MYLK3: variants seen among roughly 807,000 people sequenced by gnomAD.
The protein encoded by MYLK3 is myosin light chain kinase 3.
A neutral mutation model predicts 76.3 loss-of-function variants in MYLK3; 55 were observed. The observed-to-expected ratio is 0.72, with a 90% CI of 0.58 to 0.90. The LOEUF is 0.90. Among genes scored for constraint, MYLK3 ranks in the 40% least tolerant of loss-of-function variants. The probability of loss-of-function intolerance (pLI) is 0.00; values close to 1 mark genes in which losing one functional copy is unlikely to be tolerated. For synonymous variants in MYLK3, 416 were observed against 425.4 expected (o/e 0.98, Z 0.27); for missense variants, 973 against 1,053.6 (o/e 0.92, Z 1.06).
chr16:46,738,069 C>A lies in MYLK3; in HGVS notation c.643G>T (p.Asp215Tyr). The A allele has an allele frequency of 6.2e-7, 1 of 1,604,590 alleles. No homozygotes were observed. The highest frequency in any genetic ancestry group is 1.1e-5 in the South Asian group (1 of 90,494). The change falls in exon 3 of 13, where the codon GAC (aspartate) becomes TAC (tyrosine). Residue 215 changes from aspartate (D) to tyrosine (Y), a missense_variant. By Grantham distance (160) the Asp-to-Tyr change is radical. Around this residue, in one of 2 missense-constraint regions of MYLK3, gnomAD observed 641 missense variants for 637.0 expected, o/e 1.01. Coordinates refer to ENST00000394809, the MANE Select transcript of MYLK3 (RefSeq NM_182493.3). ...GGTGAGACCACTGCCTGGGCGGGGTCAGCTCCCAGCCCTGACGCTCTGATG... is the reference window on the plus strand; with the variant it reads ...GGTGAGACCACTGCCTGGGCGGGGTAAGCTCCCAGCCCTGACGCTCTGATG... ...PPIRASGLGA[D>Y]PAQAVVSPGQ...
At chr16:46,756,867 G>A (rs961304317) in intron 1 of MYLK3, among the ~76,000 whole-genome samples, 4 of 152,184 alleles carry the variant, frequency 2.6e-5, no homozygotes, top group African/African-American at 4.8e-5. Flanking sequence ...AAATGGCAGC[G>A]ATTGGAACGG....
intron 2 of MYLK3, among the ~76,000 whole-genome samples, chr16:46,739,849 G>A (rs1046625197): frequency 6.6e-6 from 1 of 151,962 alleles, no homozygotes; most frequent in Non-Finnish European, 1.5e-5. Context: ...GGTGTTCAAG[G>A]GTCAACTGTA....
In MYLK3 at chr16:46,729,005, C is replaced by A. The variant is rs760763350; in HGVS notation, c.1772+19G>T. 6.3e-7 allele frequency: 1 copy of A among 1,591,614 alleles called. No individual in the cohort carries two copies. Among genetic ancestry groups the A allele is most frequent in the East Asian group, 2.2e-5 (1 of 44,786 alleles). ...GCCCTGGCTTGAGCCGAGGCGGCCGCCCCGCCTCTGATACTCACTACTCCA... is the reference window on the plus strand; with the variant it reads ...GCCCTGGCTTGAGCCGAGGCGGCCGACCCGCCTCTGATACTCACTACTCCA... On this transcript the variant is annotated intron_variant, in intron 7 of 12. Coordinates refer to ENST00000394809, the MANE Select transcript of MYLK3 (RefSeq NM_182493.3).
intron 2 of MYLK3, 74 bp from the exon 3 acceptor site, chr16:46,738,217 T>C: frequency 7.7e-7 from 1 of 1,300,446 alleles, no homozygotes; most frequent in Non-Finnish European, 1.0e-6. Context: ...GCAAGGAATC[T>C]GCACAAGGCC....
In MYLK3 at chr16:46,747,615, G is replaced by A. The variant is rs1967050268; in HGVS notation, c.477+102C>T. 25 of 1,137,694 alleles carry A rather than the reference G, an allele frequency of 2.2e-5. No homozygotes were observed. The East Asian group carries it at 5.7e-4, about 26-fold the overall frequency. The allele number at this position is 1,137,694 out of a possible 1,614,324, so 70.5% of individuals were successfully genotyped here. On this transcript the variant is annotated intron_variant, in intron 1 of 12. Coordinates refer to ENST00000394809, the MANE Select transcript of MYLK3 (RefSeq NM_182493.3). ...TCCCCATCAACAGGTCACACAGGAA[G>A]GGGACACCATGCCTCCAGCTCTCCA...
chr16:46,715,359 T>G (rs1966725843), intron 9 of MYLK3, among the ~76,000 whole-genome samples: 1 of 152,232 alleles, frequency 6.6e-6, no homozygotes, highest in Admixed American at 6.5e-5. Flanking sequence ...CCTCTGGTTT[T>G]GGGGTGGTTT....
intron 7 of MYLK3, among the ~76,000 whole-genome samples, chr16:46,728,456 C>T (rs573789515): frequency 1.3e-5 from 2 of 152,216 alleles, no homozygotes; most frequent in Non-Finnish European, 2.9e-5. Flanking sequence ...TGTGGTGGCT[C>T]ACACCTGTAA....
At chr16:46,726,292 G>A (rs1380022183) in intron 8 of MYLK3, 2 of 152,272 alleles carry the variant, frequency 1.3e-5, no homozygotes, top group African/African-American at 2.4e-5. Flanking sequence ...GCAGCCATCT[G>A]GGCTAGGTGT....
At position 46,732,219 on chromosome 16, in the gene MYLK3, C is replaced by T. The variant is rs1966853799; in HGVS notation, c.1451G>A (p.Ser484Asn). The change falls in exon 4 of 13, where the codon AGC (serine) becomes AAC (asparagine). Residue 484 changes from serine to asparagine, a missense_variant. Coordinates refer to ENST00000394809, the MANE Select transcript of MYLK3 (RefSeq NM_182493.3). ...RRMPPGAEAGSVVLDDSPAPP... is the reference protein window; with the variant it reads ...RRMPPGAEAGNVVLDDSPAPP... ...ACAGCCCCACTTACCCAGAACCACGCTGCCAGCCTCGGCGCCTGGGGGCAT... is the reference window on the plus strand; with the variant it reads ...ACAGCCCCACTTACCCAGAACCACGTTGCCAGCCTCGGCGCCTGGGGGCAT... The T allele has an allele frequency of 6.3e-7, 1 of 1,585,110 alleles. No individual in the cohort carries two copies. Among genetic ancestry groups the T allele is most frequent in the Admixed American group, 1.7e-5 (1 of 59,024 alleles).
intron 1 of MYLK3, among the ~76,000 whole-genome samples, chr16:46,755,906 C>T (rs146322111): frequency 1.6e-4 from 18 of 109,736 alleles, no homozygotes; most frequent in South Asian, 2.8e-4. Context: ...TTTTTTCTTT[C>T]TTTTTTTTTT....
At chr16:46,750,337 C>T (rs368163860), upstream of MYLK3, among the ~76,000 whole-genome samples, 2 of 152,228 alleles carry the variant, frequency 1.3e-5, no homozygotes, top group East Asian at 1.9e-4. Flanking sequence ...GGAGGAGAGA[C>T]TTTATTATTG....
rs1313131208 is a variant in MYLK3 at position 46,707,731 on chromosome 16, C to T, written c.2433G>A (p.Arg811=). The change falls in exon 13 of 13, where the codon AGG becomes AGA. Residue 811 remains arginine, a synonymous_variant. Coordinates refer to ENST00000394809, the MANE Select transcript of MYLK3 (RefSeq NM_182493.3). ...AGGGAGAAGTTGGAAATTTCCTTAA[C>T]CTGTTGGCAGCAGTCACCACATAGA... ...KHFYVVTAAN[R]LRKFPTSP is the part of the protein sequence containing the mutation. 1.2e-6 allele frequency: 2 copies of T among 1,613,196 alleles called. No individual in the cohort carries two copies. Among genetic ancestry groups the T allele is most frequent in the African/African-American group, 1.3e-5 (1 of 74,996 alleles).
rs1243135557 is a variant in MYLK3, at chr16:46,704,410, A to C, written c.*3294T>G. 1.3e-5 allele frequency: 2 copies of C among 152,110 alleles called. No individual in the cohort carries two copies. Among genetic ancestry groups the C allele is most frequent in the Non-Finnish European group, 2.9e-5 (2 of 68,028 alleles). The allele number at this position is 152,110 out of a possible 1,614,324, so 9.4% of individuals were successfully genotyped here. ...TGTGTTTTTAAGTGTAAAATATACC[A>C]GATTTTTGAGACTTAGTATGAGAAA... On this transcript the variant is annotated 3_prime_UTR_variant, in exon 13 of 13. Transcript: ENST00000394809.
At chr16:46,755,344 G>C (rs1967184264) in intron 1 of MYLK3, among the ~76,000 whole-genome samples, 1 of 152,022 alleles carries the variant, frequency 6.6e-6, no homozygotes, top group Non-Finnish European at 1.5e-5. Flanking sequence ...TGTAATCCCA[G>C]CTACTCAGGA....
At chr16:46,758,172 G>T (rs1383906926) in intron 1 of MYLK3, among the ~76,000 whole-genome samples, 2 of 151,842 alleles carry the variant, frequency 1.3e-5, no homozygotes, top group Non-Finnish European at 2.9e-5. Context: ...ACATGCCAGG[G>T]AGGGCTCCCT....
In MYLK3 at chr16:46,703,156, G is replaced by A. The variant is rs1966593150; in HGVS notation, c.*4548C>T. Among the ~76,000 whole-genome samples the A allele has an allele frequency of 1.3e-5, 2 of 152,012 alleles. No individual in the cohort carries two copies. The highest frequency in any genetic ancestry group is 6.6e-5 in the Admixed American group (1 of 15,260). ...ACATTCTATAATTTAAGAAAAAATG[G>A]CTTTCAGTATATCTAGATCTATCTA... On this transcript the variant is annotated 3_prime_UTR_variant, in exon 13 of 13. Coordinates refer to ENST00000394809, the MANE Select transcript of MYLK3 (RefSeq NM_182493.3).
intron 10 of MYLK3, among the ~76,000 whole-genome samples, chr16:46,712,268 A>G (rs751872473): frequency 6.6e-6 from 1 of 152,050 alleles, no homozygotes; most frequent in Non-Finnish European, 1.5e-5. Flanking sequence ...CTGCGATTAC[A>G]GGCATGAGCC....
At chr16:46,752,359 T>A (rs965027763), upstream of MYLK3, among the ~76,000 whole-genome samples, 1 of 152,154 alleles carries the variant, frequency 6.6e-6, no homozygotes, top group South Asian at 2.1e-4. Flanking sequence ...ATCAGCCTCC[T>A]GCATAACTGG....
rs1329474920 is a variant in MYLK3, at chr16:46,702,575, G to A, written c.*5129C>T. 6.6e-6 allele frequency among the ~76,000 whole-genome samples: 1 copy of A among 152,068 alleles called. No individual in the cohort carries two copies. The highest frequency in any genetic ancestry group is 2.4e-5 in the African/African-American group (1 of 41,398). ...TCTTTTTATTGCTTGCTCAAATCAG[G>A]GTCAACACAAGGTTCACACTTGACA... On this transcript the variant is annotated 3_prime_UTR_variant, in exon 13 of 13. Transcript: ENST00000394809.
Sources: allele counts gnomAD v4.1 joint callset (sites outside exome capture counted in the v4.1 genomes callset), GRCh38; gene constraint gnomAD v4.1.1; regional missense constraint gnomAD v4.1.1; transcripts MANE v1.5; gene names NCBI Gene and HGNC (gene_info 2026-07-23, HGNC 2026-07-21).